Variants in CACNB4 observed in about 807,000 individuals in gnomAD.
CACNB4 encodes voltage-dependent L-type calcium channel subunit beta-4.
CACNB4 carries 32 observed loss-of-function variants against 71.2 expected under a neutral mutation model. The observed-to-expected ratio is 0.45, with a 90% CI of 0.34 to 0.60. The LOEUF (loss-of-function observed/expected upper bound fraction) is 0.60, where lower values mean the gene tolerates loss of function less well. Among genes scored for constraint, CACNB4 ranks in the 20% least tolerant of loss-of-function variants. The pLI is 0.01. For missense variants in CACNB4, 464 were observed against 647.9 expected (o/e 0.72, Z 3.08); for synonymous variants, 231 against 236.9 (o/e 0.97, Z 0.23).
intron 2 of CACNB4, among the ~76,000 whole-genome samples, chr2:151,948,666 A>T (rs2099866160): frequency 6.6e-6 from 1 of 152,098 alleles, no homozygotes; most frequent in Non-Finnish European, 1.5e-5. Flanking sequence ...GTCAAAAAAA[A>T]AAAGAAAAAA....
chr2:151,971,274 T>C, intron 2 of CACNB4: 1 of 568,748 alleles, frequency 1.8e-6, no homozygotes, highest in South Asian at 2.2e-5. Context: ...GATGATCTTA[T>C]TACAAGCTTA....
intron 9 of CACNB4, among the ~76,000 whole-genome samples, chr2:151,863,112 C>G (rs2099842170): frequency 6.6e-6 from 1 of 151,622 alleles, no homozygotes; most frequent in Admixed American, 6.6e-5. Flanking sequence ...GTCACCCAGG[C>G]TGGAGTGCAG....
At chr2:151,942,696 T>TG (rs1390629327) in intron 2 of CACNB4, among the ~76,000 whole-genome samples, 1 of 152,028 alleles carries the variant, frequency 6.6e-6, no homozygotes, top group Non-Finnish European at 1.5e-5. Context: ...AATTCATTCC[T>TG]GGGGGGAGGT....
At chr2:152,050,651 G>A (rs1579202066) in intron 2 of CACNB4, among the ~76,000 whole-genome samples, 2 of 152,212 alleles carry the variant, frequency 1.3e-5, no homozygotes, top group South Asian at 2.1e-4. Context: ...TGAAGCTTGA[G>A]GCTGCAGTGA....
intron 2 of CACNB4, among the ~76,000 whole-genome samples, chr2:152,057,683 A>G (rs1685794224): frequency 6.6e-6 from 1 of 152,296 alleles, no homozygotes; most frequent in Middle Eastern, 3.4e-3. Flanking sequence ...ACATACACAC[A>G]TGCACACACA....
intron 2 of CACNB4, among the ~76,000 whole-genome samples, chr2:151,942,426 T>C (rs1217967479): frequency 6.7e-6 from 1 of 149,248 alleles, no homozygotes. Context: ...ACTGTGATAA[T>C]TGTGTTAACT....
chr2:151,976,555 T>C (rs1163995887), intron 2 of CACNB4, among the ~76,000 whole-genome samples: 4 of 151,860 alleles, frequency 2.6e-5, no homozygotes, highest in Non-Finnish European at 5.9e-5. Context: ...GATCACAGGT[T>C]GGGGAGTCTT....
At chr2:151,978,024 G>GC (rs1403652024) in intron 2 of CACNB4, among the ~76,000 whole-genome samples, 1 of 152,208 alleles carries the variant, frequency 6.6e-6, no homozygotes, top group Non-Finnish European at 1.5e-5. Context: ...AATCTGTGTG[G>GC]CATTGCAAGA....
intron 2 of CACNB4, among the ~76,000 whole-genome samples, chr2:151,933,601 C>G (rs888851620): frequency 6.6e-6 from 1 of 152,142 alleles, no homozygotes; most frequent in African/African-American, 2.4e-5. Flanking sequence ...TGAGCAACAT[C>G]AAGTCTTCTG....
chr2:152,006,882 A>G (rs571702032), intron 2 of CACNB4, among the ~76,000 whole-genome samples: 6 of 151,944 alleles, frequency 3.9e-5, no homozygotes, highest in African/African-American at 1.4e-4. Flanking sequence ...TTCCACCCCA[A>G]TCCTGCCTCT....
chr2:152,012,302 C>T (rs1292657888), intron 2 of CACNB4, among the ~76,000 whole-genome samples: 1 of 151,978 alleles, frequency 6.6e-6, no homozygotes, highest in African/African-American at 2.4e-5. Context: ...AATGTGCATG[C>T]TTGTGTGTTA....
In CACNB4 at chr2:151,990,492, G is replaced by A. The variant is rs1485909742; in HGVS notation, c.148-107122C>T. On this transcript the variant is annotated intron_variant, in intron 2 of 13. Transcript: ENST00000539935. ...CACATCACAGCATTTCCCACGGTTCGCCCTCCTCACTCAGGCAACAATGTG... is the reference window on the plus strand; with the variant it reads ...CACATCACAGCATTTCCCACGGTTCACCCTCCTCACTCAGGCAACAATGTG... Among the ~76,000 whole-genome samples, 7 of 152,240 alleles carry A rather than the reference G, an allele frequency of 4.6e-5. No homozygotes were observed. In the East Asian group the frequency reaches 7.7e-4, roughly 17 times the overall value.
chr2:151,971,129 T>A (rs2099872434), intron 2 of CACNB4: 1 of 208,334 alleles, frequency 4.8e-6, no homozygotes, highest in South Asian at 1.0e-4. Flanking sequence ...GAGCATAACA[T>A]CTACTTTTGG....
chr2:151,868,395 C>T (rs1293489534), intron 9 of CACNB4: 1 of 152,156 alleles, frequency 6.6e-6, no homozygotes, highest in African/African-American at 2.4e-5. Context: ...CAGGTTTTTT[C>T]ATGTGGTTAT....
At chr2:151,909,282 A>C (rs1019342500) in intron 2 of CACNB4, among the ~76,000 whole-genome samples, 1 of 150,632 alleles carries the variant, frequency 6.6e-6, no homozygotes, top group Non-Finnish European at 1.5e-5. Flanking sequence ...AATACAAAAA[A>C]AAATCAGCGG....
chr2:151,987,887 T>C (rs1020701750), intron 2 of CACNB4, among the ~76,000 whole-genome samples: 2 of 152,190 alleles, frequency 1.3e-5, no homozygotes, highest in Non-Finnish European at 1.5e-5. Flanking sequence ...CATTTTCTGG[T>C]GTTCATTCTT....
At chr2:152,013,740 C>A (rs559113195) in intron 2 of CACNB4, among the ~76,000 whole-genome samples, 66 of 152,300 alleles carry the variant, frequency 4.3e-4, no homozygotes, top group Non-Finnish European at 2.8e-4. Flanking sequence ...GTGTTATAAT[C>A]GCAAAGCCCT....
At chr2:151,852,556 C>G (rs1459010514) in intron 12 of CACNB4, 2 of 152,200 alleles carry the variant, frequency 1.3e-5, no homozygotes, top group Non-Finnish European at 2.9e-5. Context: ...TTCACTCACT[C>G]AATCCTTACA....
chr2:152,029,329 C>T (rs755472892), intron 2 of CACNB4, among the ~76,000 whole-genome samples: 2 of 151,638 alleles, frequency 1.3e-5, no homozygotes, highest in Non-Finnish European at 2.9e-5. Flanking sequence ...CCCGTCTCTA[C>T]TAAAAATACA....
Sources: allele counts gnomAD v4.1 joint callset (sites outside exome capture counted in the v4.1 genomes callset), GRCh38; gene constraint gnomAD v4.1.1; transcripts MANE v1.5; gene names NCBI Gene and HGNC (gene_info 2026-07-23, HGNC 2026-07-21).